The following OR2C3 variants were observed in gnomAD, a reference collection of about 807,000 sequenced individuals.
OR2C3 encodes the protein olfactory receptor 2C3.
For synonymous variants in OR2C3, 178 were observed against 163.4 expected, an observed-to-expected ratio of 1.09 and a Z score of -0.68; for missense variants, 425 against 401.5, an observed-to-expected ratio of 1.06 and a Z score of -0.50.
Position 247,529,530 on chromosome 1 carries a change from C to T in OR2C3, c.*2019G>A, listed in dbSNP as rs569126569. ...AACCTGCAGTCACCGTAACCTGATACATGAGTCCAGAAACCAACAAGACAT... is the reference window on the plus strand; with the variant it reads ...AACCTGCAGTCACCGTAACCTGATATATGAGTCCAGAAACCAACAAGACAT... On this transcript the variant is annotated 3_prime_UTR_variant, in exon 3 of 3. Transcript: ENST00000641802. The T allele has an allele frequency of 6.6e-6, 1 of 152,294 alleles. No individual in the cohort carries two copies. The highest frequency in any genetic ancestry group is 1.5e-5 in the Non-Finnish European group (1 of 68,016). 9.4% of individuals were successfully genotyped at this position (152,294 alleles called of 1,614,324 possible). A position where few individuals can be genotyped will look rare whatever the true frequency, so the allele number is the denominator to read the frequency against.
In OR2C3 at chr1:247,525,823, C is replaced by G. The variant is rs896136229; in HGVS notation, c.*5726G>C. ...AATTCTGCCTTGGTCTTTCAGGTGC[C>G]CAGCTCCCATCCTGAAGCTACGTAG... On this transcript the variant is annotated 3_prime_UTR_variant, in exon 3 of 3. Coordinates refer to ENST00000641802, the MANE Select transcript of OR2C3 (RefSeq NM_198074.6). 2.6e-5 allele frequency: 4 copies of G among 152,166 alleles called. No homozygotes were observed. The highest frequency in any genetic ancestry group is 5.9e-5 in the Non-Finnish European group (4 of 68,042). 9.4% of individuals were successfully genotyped at this position (152,166 alleles called of 1,614,324 possible). A position where few individuals can be genotyped will look rare whatever the true frequency, so the allele number is the denominator to read the frequency against.
Position 247,530,311 on chromosome 1 carries a change from A to C in OR2C3, c.*1238T>G, listed in dbSNP as rs940893447. Reference sequence around the variant, plus strand: ...AGTGATAGGTTACTCTATTGATAGAAGTTCTTTAACATCTGGAAAGACTAG... The same window carrying C: ...AGTGATAGGTTACTCTATTGATAGACGTTCTTTAACATCTGGAAAGACTAG... On this transcript the variant is annotated 3_prime_UTR_variant, in exon 3 of 3. Coordinates refer to ENST00000641802, the MANE Select transcript of OR2C3 (RefSeq NM_198074.6). 3.9e-5 allele frequency: 6 copies of C among 152,196 alleles called. No homozygotes were observed. Among genetic ancestry groups the C allele is most frequent in the African/African-American group, 1.4e-4 (6 of 41,448 alleles). 9.4% of individuals were successfully genotyped at this position (152,196 alleles called of 1,614,324 possible).
rs1403591181 is a variant in OR2C3 at position 247,530,938 on chromosome 1, C to G, written c.*611G>C. 6.5e-6 allele frequency: 1 copy of G among 152,886 alleles called. No homozygotes were observed. The highest frequency in any genetic ancestry group is 2.4e-5 in the African/African-American group (1 of 41,472). The allele number at this position is 152,886 out of a possible 1,614,324, so 9.5% of individuals were successfully genotyped here. ...CCCGGCGGCTCGGCGCGGTCTTGGT[C>G]TGGGTCGGTGGGGTTGGGCCGGGAG... On this transcript the variant is annotated 3_prime_UTR_variant, in exon 3 of 3. Coordinates refer to ENST00000641802, the MANE Select transcript of OR2C3 (RefSeq NM_198074.6).
Position 247,531,631 on chromosome 1 carries a change from C to G in OR2C3, c.881G>C (p.Arg294Thr), listed in dbSNP as rs1187292074. Residue 294 changes from arginine to threonine, a missense_variant, in exon 3 of 3, where the codon AGG (arginine) becomes ACG (threonine). Coordinates refer to ENST00000641802, the MANE Select transcript of OR2C3 (RefSeq NM_198074.6). ...PALNPLIYTL[R>T]NTEVKSALRH... Reference sequence around the variant, plus strand: ...GAGGGCGCTCTTCACCTCCGTGTTCCTCAGGGTGTAAATAAGTGGGTTCAG... The same window carrying G: ...GAGGGCGCTCTTCACCTCCGTGTTCGTCAGGGTGTAAATAAGTGGGTTCAG... 5 of 1,614,152 alleles carry G rather than the reference C, an allele frequency of 3.1e-6. No individual in the cohort carries two copies. The highest frequency in any genetic ancestry group is 4.2e-6 in the Non-Finnish European group (5 of 1,180,026).
intron 1 of OR2C3, among the ~76,000 whole-genome samples, chr1:247,534,297 T>C (rs1421536501): frequency 1.3e-5 from 2 of 152,242 alleles, no homozygotes. Flanking sequence ...TGATACACAG[T>C]AGTCCCTTAA....
In OR2C3 at chr1:247,531,331, C is replaced by G; in HGVS notation, c.*218G>C. 2 of 584,448 alleles carry G rather than the reference C, an allele frequency of 3.4e-6. 1 individual carries two copies. Among genetic ancestry groups the G allele is most frequent in the East Asian group, 5.7e-5 (2 of 35,368 alleles). 36.2% of individuals were successfully genotyped at this position (584,448 alleles called of 1,614,324 possible). A position where few individuals can be genotyped will look rare whatever the true frequency, so the allele number is the denominator to read the frequency against. Reference sequence around the variant, plus strand: ...TGACAGTCAACATGTGTATATATAGCAAAAACCAACAACGCAATTGAACAA... The same window carrying G: ...TGACAGTCAACATGTGTATATATAGGAAAAACCAACAACGCAATTGAACAA... On this transcript the variant is annotated 3_prime_UTR_variant, in exon 3 of 3. Transcript: ENST00000641802.
intron 1 of OR2C3, among the ~76,000 whole-genome samples, chr1:247,535,468 T>C (rs1667182136): frequency 6.6e-6 from 1 of 152,186 alleles, no homozygotes; most frequent in Non-Finnish European, 1.5e-5. Flanking sequence ...GTGTACTGTA[T>C]ATAGAGTCAC....
In OR2C3 at chr1:247,526,676, A is replaced by C. The variant is rs570097914; in HGVS notation, c.*4873T>G. 6.0e-6 allele frequency: 2 copies of C among 333,822 alleles called. No individual in the cohort carries two copies. The highest frequency in any genetic ancestry group is 1.6e-4 in the East Asian group (2 of 12,280). The allele number at this position is 333,822 out of a possible 1,614,324, so 20.7% of individuals were successfully genotyped here. On this transcript the variant is annotated 3_prime_UTR_variant, in exon 3 of 3. Coordinates refer to ENST00000641802, the MANE Select transcript of OR2C3 (RefSeq NM_198074.6). The surrounding 1 kb of genome is among the most constrained non-coding windows in gnomAD (Gnocchi z 4.8). ...GGGAGGAAACCCATACATGAAGTAG[A>C]GGGTTCACAGAGCAGGTTTGGGATG...
chr1:247,532,842 G>A (rs958595482), intron 2 of OR2C3, among the ~76,000 whole-genome samples: 2 of 143,176 alleles, frequency 1.4e-5, no homozygotes, highest in African/African-American at 5.3e-5. Context: ...CCTTCCTCAC[G>A]GCCAACTTGG....
Position 247,530,474 on chromosome 1 carries a change from C to CTTT in OR2C3, c.*1072_*1074dup, listed in dbSNP as rs1558240672. 6.6e-6 allele frequency: 1 copy of CTTT among 151,248 alleles called. No individual in the cohort carries two copies. Among genetic ancestry groups the CTTT allele is most frequent in the East Asian group, 1.9e-4 (1 of 5,142 alleles). 9.4% of individuals were successfully genotyped at this position (151,248 alleles called of 1,614,324 possible). A position where few individuals can be genotyped will look rare whatever the true frequency, so the allele number is the denominator to read the frequency against. ...CTGGCTTAGAGCTCTCTGCACCTCC[C>CTTT]TTTTCCCCTCCTTCCCTGAACCAGT... On this transcript the variant is annotated 3_prime_UTR_variant, in exon 3 of 3. Coordinates refer to ENST00000641802, the MANE Select transcript of OR2C3 (RefSeq NM_198074.6).
Position 247,525,003 on chromosome 1 carries a change from C to G in OR2C3, c.*6546G>C, listed in dbSNP as rs1666619939. The G allele has an allele frequency of 6.6e-6, 1 of 152,122 alleles. No homozygotes were observed. 9.4% of individuals were successfully genotyped at this position (152,122 alleles called of 1,614,324 possible). ...ACTGAGGTAAGATTTGCAAGTAAAA[C>G]TAAAGTTACTAACAAAATCAAATGT... On this transcript the variant is annotated 3_prime_UTR_variant, in exon 3 of 3. Transcript: ENST00000641802.
At position 247,524,787 on chromosome 1, in the gene OR2C3, C is replaced by T. The variant is rs760620486; in HGVS notation, c.*6762G>A. The T allele has an allele frequency of 5.9e-5, 9 of 152,032 alleles. No homozygotes were observed. The highest frequency in any genetic ancestry group is 1.9e-4 in the East Asian group (1 of 5,182). 9.4% of individuals were successfully genotyped at this position (152,032 alleles called of 1,614,324 possible). A position where few individuals can be genotyped will look rare whatever the true frequency, so the allele number is the denominator to read the frequency against. Reference sequence around the variant, plus strand: ...AGGATAAAACGTCCCACTAGAAAAACGATTCAACACTTATATGATGACAAA... The same window carrying T: ...AGGATAAAACGTCCCACTAGAAAAATGATTCAACACTTATATGATGACAAA... On this transcript the variant is annotated 3_prime_UTR_variant, in exon 3 of 3. Transcript: ENST00000641802.
In OR2C3 at chr1:247,532,036, A is replaced by G; in HGVS notation, c.476T>C (p.Val159Ala). 1 of 1,613,950 alleles carries G rather than the reference A, an allele frequency of 6.2e-7. No individual in the cohort carries two copies. The highest frequency in any genetic ancestry group is 8.5e-7 in the Non-Finnish European group (1 of 1,179,918). Residue 159 changes from valine to alanine, a missense_variant, in exon 3 of 3, where the codon GTG becomes GCG. Physicochemically the swap from Val to Ala is moderately conservative, Grantham distance 64 (BLOSUM62 0). Coordinates refer to ENST00000641802, the MANE Select transcript of OR2C3 (RefSeq NM_198074.6). Reference sequence around the variant, plus strand: ...TAGGAGCATGGTGAGCGTGGAGCCCACCATGCTGGTGGTCAGACCCCCCAG... The same window carrying G: ...TAGGAGCATGGTGAGCGTGGAGCCCGCCATGCTGGTGGTCAGACCCCCCAG... ...SWLGGLTTSM[V>A]GSTLTMLLPL...
At chr1:247,532,848 C>T (rs1372274093) in intron 2 of OR2C3, among the ~76,000 whole-genome samples, 1 of 131,276 alleles carries the variant, frequency 7.6e-6, no homozygotes, top group African/African-American at 3.0e-5. Flanking sequence ...TCACGGCCAA[C>T]TTGGACTGTA....
At chr1:247,532,904 A>G (rs1352911750) in intron 2 of OR2C3, among the ~76,000 whole-genome samples, 1 of 152,188 alleles carries the variant, frequency 6.6e-6, no homozygotes, top group Admixed American at 6.5e-5. Flanking sequence ...GGGAAAATGG[A>G]CATTCATGCA....
chr1:247,531,496 G>C lies in OR2C3; in HGVS notation c.*53C>G, dbSNP rs532048366. The stretch of plus-strand genomic sequence containing the variant: ...CATCCCAAGTGCCCTGTCTTCCAAG[G>C]TCACTTTGCTCGATGTAAACTTGAT... On this transcript the variant is annotated 3_prime_UTR_variant, in exon 3 of 3. Coordinates refer to ENST00000641802, the MANE Select transcript of OR2C3 (RefSeq NM_198074.6). The C allele has an allele frequency of 1.3e-6, 2 of 1,563,386 alleles. No homozygotes were observed. Among genetic ancestry groups the C allele is most frequent in the Admixed American group, 1.8e-5 (1 of 54,196 alleles).
intron 1 of OR2C3, 32 bp downstream of exon 1, chr1:247,536,132 CAACA>C (rs905141889): frequency 9.9e-5 from 15 of 152,162 alleles, no homozygotes; most frequent in African/African-American, 3.6e-4. Flanking sequence ...ACAACAACAA[CAACA>C]AACAAACGAC....
Position 247,531,809 on chromosome 1 carries a change from G to A in OR2C3, c.703C>T (p.Arg235Trp), listed in dbSNP as rs141524952. Residue 235 changes from arginine to tryptophan, a missense_variant, in exon 3 of 3, where the codon CGG becomes TGG. By Grantham distance (101) the Arg-to-Trp change is moderately radical. Coordinates refer to ENST00000641802, the MANE Select transcript of OR2C3 (RefSeq NM_198074.6). ...GAACAGGTGTTGAATGCCTTTCTCC[G>A]CCCTTCTGCTGACCTGATCTTCAAC... is the stretch of plus-strand genomic sequence containing the variant. ...AVLKIRSAEG[R>W]RKAFNTCSSH... The A allele has an allele frequency of 1.9e-4, 306 of 1,614,138 alleles. 2 individuals are homozygous for A. The Admixed American group carries it at 3.5e-3, about 18-fold the overall frequency.
Position 247,532,276 on chromosome 1 carries a change from A to G in OR2C3, c.236T>C (p.Val79Ala). ...CCAGAGGTTAGCCAGGAGCTGTGGG[A>G]CAATGCTCGTGGTGAAGCTCATGTC... is the stretch of plus-strand genomic sequence containing the variant. Reference protein sequence around the residue: ...FLDMSFTTSIVPQLLANLWGP... With the variant: ...FLDMSFTTSIAPQLLANLWGP... The change falls in exon 3 of 3, where the codon GTC (valine) becomes GCC (alanine). Residue 79 changes from valine to alanine, a missense_variant. Coordinates refer to ENST00000641802, the MANE Select transcript of OR2C3 (RefSeq NM_198074.6). 6.2e-7 allele frequency: 1 copy of G among 1,614,202 alleles called. No homozygotes were observed. Among genetic ancestry groups the G allele is most frequent in the Non-Finnish European group, 8.5e-7 (1 of 1,180,032 alleles).
Sources: allele counts gnomAD v4.1 joint callset (sites outside exome capture counted in the v4.1 genomes callset), GRCh38; gene constraint gnomAD v4.1.1; non-coding constraint Gnocchi (gnomAD v3.1); transcripts MANE v1.5; gene names NCBI Gene and HGNC (gene_info 2026-07-23, HGNC 2026-07-21).